The following BNC2 variants were observed in gnomAD, a reference collection of about 807,000 sequenced individuals.
The protein encoded by BNC2 is zinc finger protein basonuclin-2.
A neutral mutation model predicts 76.3 loss-of-function variants in BNC2; 20 were observed. The ratio of observed to expected loss-of-function variants is 0.26; its 90% CI spans 0.18 to 0.38. The LOEUF is 0.38. Ranked by LOEUF, BNC2 falls within the 10% of genes least tolerant of loss-of-function variation. BNC2 has a pLI of 1.00. For missense variants in BNC2, 1,382 were observed against 1,399.8 expected (o/e 0.99, Z 0.20); for synonymous variants, 582 against 514.8 (o/e 1.13, Z -1.77).
Position 16,419,281 on chromosome 9 carries a change from G to A in BNC2, c.3008C>T (p.Ala1003Val). Residue 1003 changes from alanine to valine, a missense_variant, in exon 7 of 7, where the codon GCA becomes GTA. By Grantham distance (64) the Ala-to-Val change is moderately conservative. Coordinates refer to ENST00000380672, the MANE Select transcript of BNC2 (RefSeq NM_017637.6). ...IDGASDSGES[A>V]HKAEAPALPG... ...GAGGGCAGGGGCCTCGGCCTTGTGT[G>A]CCGACTCCCCACTGTCACTCGCCCC... 6.2e-7 allele frequency: 1 copy of A among 1,614,148 alleles called. No individual in the cohort carries two copies. The highest frequency in any genetic ancestry group is 1.7e-5 in the Admixed American group (1 of 60,032).
At chr9:16,822,451 C>G (rs1000287301) in intron 1 of BNC2, among the ~76,000 whole-genome samples, 1 of 152,114 alleles carries the variant, frequency 6.6e-6, no homozygotes, top group Admixed American at 6.5e-5. Flanking sequence ...TTTAAACTCT[C>G]AGTGGTATTT....
chr9:16,733,157 C>G (rs1824563494), intron 2 of BNC2, among the ~76,000 whole-genome samples: 1 of 152,142 alleles, frequency 6.6e-6, no homozygotes, highest in African/African-American at 2.4e-5. Context: ...TTCTTGAGAA[C>G]AAAGTATGGG....
At chr9:16,805,248 C>T (rs1056676634) in intron 1 of BNC2, among the ~76,000 whole-genome samples, 2 of 152,148 alleles carry the variant, frequency 1.3e-5, no homozygotes, top group Non-Finnish European at 2.9e-5. Flanking sequence ...TACATAAGCA[C>T]AGTCAAATTT....
intron 3 of BNC2, among the ~76,000 whole-genome samples, chr9:16,639,361 A>G (rs186472677): frequency 4.7e-4 from 71 of 152,352 alleles, no homozygotes; most frequent in African/African-American, 1.7e-3. Context: ...ACATCTAGAA[A>G]GAAGAAAAGC....
chr9:16,690,736 C>T (rs1823134753), intron 3 of BNC2, among the ~76,000 whole-genome samples: 1 of 152,110 alleles, frequency 6.6e-6, no homozygotes, highest in South Asian at 2.1e-4. Context: ...CTGGAGTCAT[C>T]TCAGAGCAAT....
At chr9:16,666,852 A>T (rs1822306671) in intron 3 of BNC2, among the ~76,000 whole-genome samples, 1 of 152,224 alleles carries the variant, frequency 6.6e-6, no homozygotes, top group Non-Finnish European at 1.5e-5. Context: ...AAATGTAGTT[A>T]GCATTATTCA....
At chr9:16,584,807 T>C (rs187548189) in intron 3 of BNC2, among the ~76,000 whole-genome samples, 7 of 152,254 alleles carry the variant, frequency 4.6e-5, no homozygotes, top group South Asian at 2.1e-4. Flanking sequence ...CAAAACTTGA[T>C]TGTACTGTGA....
chr9:16,545,461 C>T (rs1423639744), intron 5 of BNC2, among the ~76,000 whole-genome samples: 1 of 152,106 alleles, frequency 6.6e-6, no homozygotes, highest in Admixed American at 6.6e-5. Flanking sequence ...GGTGAGTGAA[C>T]TGAGGTGAAT....
In BNC2 at chr9:16,419,227, C is replaced by A. The variant is rs891839945; in HGVS notation, c.3062G>T (p.Gly1021Val). 8 of 1,614,090 alleles carry A rather than the reference C, an allele frequency of 5.0e-6. No homozygotes were observed. The highest frequency in any genetic ancestry group is 6.8e-6 in the Non-Finnish European group (8 of 1,180,050). Residue 1021 changes from glycine (G) to valine (V), a missense_variant, in exon 7 of 7, where the codon GGA (glycine) becomes GTA (valine). Gly to Val is a moderately radical substitution (Grantham distance 109, BLOSUM62 -3). Coordinates refer to ENST00000380672, the MANE Select transcript of BNC2 (RefSeq NM_017637.6). The stretch of plus-strand genomic sequence containing the variant: ...AGACAAGCTGCTGAACATAAGAGAT[C>A]CTGAAACTTCAGCCCCTAGGCTGCC... ...LPGSLGAEVS[G>V]SLMFSSLSGS...
chr9:16,632,362 A>G (rs965281133), intron 3 of BNC2, among the ~76,000 whole-genome samples: 1 of 152,128 alleles, frequency 6.6e-6, no homozygotes, highest in African/African-American at 2.4e-5. Flanking sequence ...TTAAAAGCAC[A>G]AACAAAAAAA....
intron 1 of BNC2, among the ~76,000 whole-genome samples, chr9:16,797,280 G>C (rs1039893353): frequency 6.6e-6 from 1 of 152,106 alleles, no homozygotes; most frequent in Non-Finnish European, 1.5e-5. Flanking sequence ...GCTGGAAATA[G>C]CTTCATCTTT....
At chr9:16,625,680 T>C (rs1202767822) in intron 3 of BNC2, 1 of 152,204 alleles carries the variant, frequency 6.6e-6, no homozygotes, top group African/African-American at 2.4e-5. Context: ...ACTCTCTAGA[T>C]AGTGGGATAC....
At chr9:16,580,045 C>T (rs1474509516) in intron 4 of BNC2, 6 of 398,248 alleles carry the variant, frequency 1.5e-5, no homozygotes, top group South Asian at 1.3e-4. Context: ...CAAGTCACTT[C>T]CTCATTGCCC....
At chr9:16,503,697 A>C (rs569466673) in intron 5 of BNC2, among the ~76,000 whole-genome samples, 1 of 152,334 alleles carries the variant, frequency 6.6e-6, no homozygotes, top group Admixed American at 6.5e-5. Flanking sequence ...ACTATCACTG[A>C]TATCCACAGA....
In BNC2 at chr9:16,436,093, A is replaced by C. The variant is rs1821006138; in HGVS notation, c.2101T>G (p.Ser701Ala). The C allele has an allele frequency of 1.9e-6, 3 of 1,614,090 alleles. No individual in the cohort carries two copies. The highest frequency in any genetic ancestry group is 2.5e-6 in the Non-Finnish European group (3 of 1,180,026). Reference protein sequence around the residue: ...FSKHNRTRCISRTEIRRADSM... With the variant: ...FSKHNRTRCIARTEIRRADSM... ...TCGGCCCTCCTTATTTCAGTCCTTG[A>C]AATGCACCGGGTCCTGTTATGCTTA... is the stretch of plus-strand genomic sequence containing the variant. The change falls in exon 6 of 7, where the codon TCA becomes GCA. Residue 701 changes from serine (S) to alanine (A), a missense_variant. Ser to Ala is a moderately conservative substitution (Grantham distance 99). Coordinates refer to ENST00000380672, the MANE Select transcript of BNC2 (RefSeq NM_017637.6).
intron 5 of BNC2, among the ~76,000 whole-genome samples, chr9:16,460,734 C>A (rs1014409180): frequency 3.3e-5 from 5 of 152,094 alleles, no homozygotes; most frequent in Admixed American, 2.6e-4. Flanking sequence ...GCGTTGACTA[C>A]CCTGAGCCTC....
intron 1 of BNC2, among the ~76,000 whole-genome samples, chr9:16,866,370 A>G (rs1229167490): frequency 6.6e-6 from 1 of 151,986 alleles, no homozygotes; most frequent in African/African-American, 2.4e-5. Flanking sequence ...CTCCAAAACC[A>G]TCATTTACAG....
At chr9:16,464,948 G>C (rs1821671625) in intron 5 of BNC2, among the ~76,000 whole-genome samples, 2 of 152,084 alleles carry the variant, frequency 1.3e-5, no homozygotes, top group South Asian at 4.1e-4. Context: ...TCCTCCTATG[G>C]CCTTTCCAAT....
chr9:16,802,874 C>T (rs1261939447), intron 1 of BNC2, among the ~76,000 whole-genome samples: 1 of 152,186 alleles, frequency 6.6e-6, no homozygotes, highest in Admixed American at 6.5e-5. Context: ...TGGAGGGTCA[C>T]TAACTTTGGG....
Sources: gnomAD v4.1 joint callset for allele counts (sites outside exome capture counted in the v4.1 genomes callset) on GRCh38, gnomAD v4.1.1 for gene constraint, MANE v1.5 for transcripts, NCBI Gene and HGNC (gene_info 2026-07-23, HGNC 2026-07-21) for gene names.